Variants in CCDC172 observed in about 807,000 individuals in gnomAD.
CCDC172 encodes coiled-coil domain containing 172.
A neutral mutation model predicts 38.0 loss-of-function variants in CCDC172; 30 were observed. The observed-to-expected ratio is 0.79, with a 90% CI of 0.59 to 1.07. CCDC172 has a LOEUF of 1.07. Ranked by LOEUF, CCDC172 falls within the 50% of genes least tolerant of loss-of-function variation. The pLI is 0.00. For synonymous variants in CCDC172, 78 were observed against 88.3 expected (o/e 0.88, Z 0.66); for missense variants, 297 against 290.1 (o/e 1.02, Z -0.17).
At chr10:116,346,958 A>G (rs1844875292) in intron 5 of CCDC172, among the ~76,000 whole-genome samples, 1 of 152,194 alleles carries the variant, frequency 6.6e-6, no homozygotes, top group Non-Finnish European at 1.5e-5. Flanking sequence ...GAACATATAT[A>G]AGTAGACTTA....
chr10:116,378,329 C>T, intron 7 of CCDC172, 94 bp from the exon 8 acceptor site: 1 of 1,213,238 alleles, frequency 8.2e-7, no homozygotes, highest in Non-Finnish European at 1.1e-6. Flanking sequence ...ACTTGAAATT[C>T]TGATTATAGA....
intron 3 of CCDC172, among the ~76,000 whole-genome samples, chr10:116,340,312 T>C (rs1225655796): frequency 6.6e-6 from 1 of 151,940 alleles, no homozygotes. Context: ...CTTATTATTT[T>C]ATTAGTTATA....
chr10:116,349,518 TC>T (rs1844906260), intron 5 of CCDC172, among the ~76,000 whole-genome samples: 1 of 152,208 alleles, frequency 6.6e-6, no homozygotes, highest in Admixed American at 6.5e-5. Context: ...TTATATTCTC[TC>T]ATTGCCCTCT....
intron 5 of CCDC172, among the ~76,000 whole-genome samples, chr10:116,356,798 T>TA (rs1409812920): frequency 6.6e-6 from 1 of 152,212 alleles, no homozygotes; most frequent in Non-Finnish European, 1.5e-5. Context: ...GTTTTAATTA[T>TA]AAAGGATAGT....
At chr10:116,338,394 C>G (rs1463175247) in intron 3 of CCDC172, among the ~76,000 whole-genome samples, 2 of 151,136 alleles carry the variant, frequency 1.3e-5, no homozygotes, top group Non-Finnish European at 3.0e-5. Flanking sequence ...TGGAAGTAAA[C>G]AATAAAGACA....
Position 116,357,440 on chromosome 10 carries a change from A to T in CCDC172, c.509A>T (p.Glu170Val). The change falls in exon 6 of 9, where the codon GAA (glutamate) becomes GTA (valine). Residue 170 changes from glutamate (E) to valine (V), a missense_variant. Coordinates refer to ENST00000333254, the MANE Select transcript of CCDC172 (RefSeq NM_198515.3). ...AATGAACTTCAAAAACAAAAGAGTG[A>T]ATTGATACAAGAATTATTTACTCTC... ...QLNELQKQKS[E>V]LIQELFTLQR... 3 of 1,584,408 alleles carry T rather than the reference A, an allele frequency of 1.9e-6. No homozygotes were observed. Among genetic ancestry groups the T allele is most frequent in the Non-Finnish European group, 2.6e-6 (3 of 1,167,848 alleles).
rs1459531781 is a variant in CCDC172 at position 116,355,195 on chromosome 10, A to G, written c.449-2185A>G. On this transcript the variant is annotated intron_variant, in intron 5 of 8. Coordinates refer to ENST00000333254, the MANE Select transcript of CCDC172 (RefSeq NM_198515.3). ...ACTCAAAGCAACTTCCAGTACTACA[A>G]GCTCCATTCATGGTAAGTATCTTAC... Among the ~76,000 whole-genome samples, 3 of 152,304 alleles carry G rather than the reference A, an allele frequency of 2.0e-5. No individual in the cohort carries two copies. The East Asian group carries it at 5.8e-4, about 29-fold the overall frequency.
chr10:116,358,776 A>G (rs370220213), intron 7 of CCDC172, among the ~76,000 whole-genome samples: 1 of 152,308 alleles, frequency 6.6e-6, no homozygotes, highest in East Asian at 1.9e-4. Context: ...GGTGATATGT[A>G]TGATGCAGAA....
chr10:116,356,234 G>T (rs543819200), intron 5 of CCDC172, among the ~76,000 whole-genome samples: 1 of 152,128 alleles, frequency 6.6e-6, no homozygotes, highest in East Asian at 1.9e-4. Context: ...GGAGGCTGAG[G>T]CAGGAGAATC....
intron 7 of CCDC172, among the ~76,000 whole-genome samples, chr10:116,374,960 C>A (rs2134972705): frequency 6.7e-6 from 1 of 149,750 alleles, no homozygotes. Context: ...TTCTTTATAT[C>A]CTTATCAACA....
intron 3 of CCDC172, among the ~76,000 whole-genome samples, chr10:116,340,273 G>A (rs1357136000): frequency 2.0e-5 from 3 of 151,580 alleles, no homozygotes; most frequent in Non-Finnish European, 4.4e-5. Context: ...CATGGGACTG[G>A]GTTTTTGCCT....
chr10:116,334,405 A>G (rs1844704272), intron 3 of CCDC172, among the ~76,000 whole-genome samples: 1 of 152,216 alleles, frequency 6.6e-6, no homozygotes, highest in African/African-American at 2.4e-5. Context: ...GGCAAAAAGC[A>G]GAGTGAAAAT....
intron 7 of CCDC172, among the ~76,000 whole-genome samples, chr10:116,359,628 G>T (rs1034108821): frequency 1.3e-5 from 2 of 152,116 alleles, no homozygotes; most frequent in South Asian, 2.1e-4. Flanking sequence ...CAAAATGTCC[G>T]CTGGGGAAGG....
intron 3 of CCDC172, among the ~76,000 whole-genome samples, chr10:116,326,201 TG>T (rs1266953875): frequency 6.6e-6 from 1 of 152,156 alleles, no homozygotes; most frequent in East Asian, 1.9e-4. Flanking sequence ...TTCAGTTTAA[TG>T]CCAGCCTGGG....
chr10:116,330,172 T>C (rs1024417483), intron 3 of CCDC172, among the ~76,000 whole-genome samples: 1 of 152,176 alleles, frequency 6.6e-6, no homozygotes, highest in Admixed American at 6.5e-5. Flanking sequence ...CTGACATTCT[T>C]CTTATTATTT....
intron 7 of CCDC172, among the ~76,000 whole-genome samples, chr10:116,373,419 A>G (rs11197642): frequency 0.076 from 11,523 of 152,278 alleles, 665 homozygotes; most frequent in East Asian, 0.24. Context: ...ACAAAAATAT[A>G]TGATGATGAC....
At chr10:116,353,426 A>G (rs982438049) in intron 5 of CCDC172, among the ~76,000 whole-genome samples, 1 of 152,256 alleles carries the variant, frequency 6.6e-6, no homozygotes, top group Non-Finnish European at 1.5e-5. Context: ...TTCAAAGGAT[A>G]CTATCAAGGA....
At chr10:116,349,970 A>C (rs1844911588) in intron 5 of CCDC172, among the ~76,000 whole-genome samples, 1 of 152,196 alleles carries the variant, frequency 6.6e-6, no homozygotes, top group African/African-American at 2.4e-5. Context: ...ACAAGTGAAT[A>C]CCTGGGGGAA....
chr10:116,325,922 T>C (rs1844586151), intron 3 of CCDC172, among the ~76,000 whole-genome samples: 1 of 152,218 alleles, frequency 6.6e-6, no homozygotes, highest in South Asian at 2.1e-4. Flanking sequence ...GAGAGTCTGA[T>C]GGCTTCTTGA....
Sources: allele counts gnomAD v4.1 joint callset (sites outside exome capture counted in the v4.1 genomes callset), GRCh38; gene constraint gnomAD v4.1.1; transcripts MANE v1.5; gene names NCBI Gene and HGNC (gene_info 2026-07-23, HGNC 2026-07-21).